The following GPHN variants were observed in gnomAD, a reference collection of about 807,000 sequenced individuals.
GPHN encodes the protein gephyrin.
A neutral mutation model predicts 95.5 loss-of-function variants in GPHN; 17 were observed. The observed-to-expected ratio is 0.18, with a 90% confidence interval of 0.12 to 0.27. The LOEUF is 0.27. GPHN is among the 10% of genes least tolerant of loss of function. The probability of loss-of-function intolerance (pLI) is 1.00; values close to 1 mark genes in which losing one functional copy is unlikely to be tolerated. For missense variants in GPHN, 660 were observed against 978.1 expected (o/e 0.67, Z 4.34); for synonymous variants, 320 against 322.5 (o/e 0.99, Z 0.08).
At chr14:66,936,205 C>G (rs1025567823) in intron 8 of GPHN, among the ~76,000 whole-genome samples, 5 of 152,024 alleles carry the variant, frequency 3.3e-5, no homozygotes, top group Non-Finnish European at 7.4e-5. Flanking sequence ...ATAGTGAAAT[C>G]TCGTCTCTAC....
At chr14:67,256,792 CTA>C in the GPHN span, among the ~76,000 whole-genome samples, 1 of 125,606 alleles carries the variant, frequency 8.0e-6, no homozygotes, top group Admixed American at 8.6e-5. Context: ...GTTCCAGAAA[CTA>C]TTGACACACA....
intron 3 of GPHN, among the ~76,000 whole-genome samples, chr14:66,794,665 T>A (rs2060094923): frequency 6.6e-6 from 1 of 152,218 alleles, no homozygotes; most frequent in Admixed American, 6.5e-5. Flanking sequence ...TTTTTCTTTG[T>A]TTGATTTGAG....
At chr14:67,141,158 G>T (rs1252212802) in intron 17 of GPHN, among the ~76,000 whole-genome samples, 2 of 152,114 alleles carry the variant, frequency 1.3e-5, no homozygotes, top group Non-Finnish European at 2.9e-5. Context: ...TTCTCCTTGG[G>T]AGCTTGCTTC....
At chr14:67,218,806 G>A in the GPHN span, among the ~76,000 whole-genome samples, 1 of 152,002 alleles carries the variant, frequency 6.6e-6, no homozygotes, top group African/African-American at 2.4e-5. Context: ...TGTGTATGCA[G>A]CAGTTTGGCT....
At chr14:67,590,163 G>A in the GPHN span, 1 of 1,550,544 alleles carries the variant, frequency 6.4e-7, no homozygotes, top group Admixed American at 2.0e-5. Context: ...TCCAGCCGGG[G>A]CTTGGCACTC....
intron 10 of GPHN, among the ~76,000 whole-genome samples, chr14:67,024,551 C>G (rs2073826994): frequency 6.6e-6 from 1 of 152,136 alleles, no homozygotes; most frequent in South Asian, 2.1e-4. Flanking sequence ...GTGTTATACT[C>G]CTGGTTATGC....
At chr14:67,269,163 G>T in the GPHN span, among the ~76,000 whole-genome samples, 45 of 152,118 alleles carry the variant, frequency 3.0e-4, no homozygotes, top group African/African-American at 1.1e-3. Context: ...TTTAAATCCT[G>T]TTTGTAGGGT....
chr14:66,939,081 A>C (rs932930525), intron 8 of GPHN, among the ~76,000 whole-genome samples: 2 of 152,172 alleles, frequency 1.3e-5, no homozygotes, highest in Non-Finnish European at 2.9e-5. Context: ...GACCCACAAT[A>C]CAACTCTTGG....
At chr14:66,671,837 A>G (rs2066321064) in intron 1 of GPHN, among the ~76,000 whole-genome samples, 1 of 151,962 alleles carries the variant, frequency 6.6e-6, no homozygotes, top group African/African-American at 2.4e-5. Flanking sequence ...GATATTCATG[A>G]TTTGTGCTTT....
At chr14:66,895,890 C>G (rs1321253019) in intron 5 of GPHN, among the ~76,000 whole-genome samples, 1 of 152,148 alleles carries the variant, frequency 6.6e-6, no homozygotes, top group Non-Finnish European at 1.5e-5. Flanking sequence ...TTGTCCTGGT[C>G]CATTCTGCTG....
chr14:67,646,304 G>A, the GPHN span: 1 of 260,770 alleles, frequency 3.8e-6, no homozygotes, highest in Non-Finnish European at 7.3e-6. Flanking sequence ...ACCAGGTTAT[G>A]CTTCAAGAAC....
the GPHN span, among the ~76,000 whole-genome samples, chr14:67,634,594 CAAAA>C: frequency 1.7e-5 from 2 of 115,324 alleles, no homozygotes; most frequent in Non-Finnish European, 3.6e-5. Context: ...ACCGTGTCTC[CAAAA>C]AAAAAAAAAA....
the GPHN span, among the ~76,000 whole-genome samples, chr14:67,393,944 C>T: frequency 1.2e-4 from 19 of 152,142 alleles, no homozygotes; most frequent in African/African-American, 4.1e-4. Context: ...TGTGGTGATT[C>T]GCTGTCTCTA....
At chr14:67,484,845 A>G in the GPHN span, among the ~76,000 whole-genome samples, 2 of 152,186 alleles carry the variant, frequency 1.3e-5, no homozygotes, top group Non-Finnish European at 2.9e-5. Flanking sequence ...CTATGTGTGT[A>G]TTTTACAAGT....
intron 13 of GPHN, among the ~76,000 whole-genome samples, chr14:67,109,289 A>G (rs2095799850): frequency 6.6e-6 from 1 of 152,200 alleles, no homozygotes; most frequent in Admixed American, 6.5e-5. Flanking sequence ...ATATTGTCTC[A>G]GGATTTTTTC....
At chr14:66,558,846 C>T (rs1054523433) in intron 1 of GPHN, among the ~76,000 whole-genome samples, 1 of 151,770 alleles carries the variant, frequency 6.6e-6, no homozygotes, top group African/African-American at 2.4e-5. Flanking sequence ...ATTAACCTGT[C>T]ATTTAGCATT....
At chr14:66,619,684 C>G (rs776955449) in intron 1 of GPHN, among the ~76,000 whole-genome samples, 8 of 152,084 alleles carry the variant, frequency 5.3e-5, no homozygotes, top group Non-Finnish European at 1.0e-4. Context: ...ATAGCAGTGT[C>G]TTTCACATCT....
intron 9 of GPHN, among the ~76,000 whole-genome samples, chr14:66,987,746 A>ATTTTATTT (rs2071124317): frequency 6.6e-6 from 1 of 152,128 alleles, no homozygotes; most frequent in African/African-American, 2.4e-5. Flanking sequence ...TCAAAATAAA[A>ATTTTATTT]TGTTGACTTC....
At chr14:67,386,176 A>G in the GPHN span, 3 of 152,674 alleles carry the variant, frequency 2.0e-5, no homozygotes, top group African/African-American at 7.2e-5. Flanking sequence ...CAAAAAAACT[A>G]ATTCCAGGGA....
Sources: gnomAD v4.1 joint callset for allele counts (sites outside exome capture counted in the v4.1 genomes callset) on GRCh38, gnomAD v4.1.1 for gene constraint, MANE v1.5 for transcripts, NCBI Gene and HGNC (gene_info 2026-07-23, HGNC 2026-07-21) for gene names.